Variants in MUC3A observed in about 807,000 individuals in gnomAD.
MUC3A encodes mucin-3A.
A neutral mutation model predicts 109.0 loss-of-function variants in MUC3A; 109 were observed. The observed-to-expected ratio is 1.00, with a 90% CI of 0.86 to 1.17. The LOEUF is 1.17. MUC3A is among the 50% of genes most tolerant of loss of function. The pLI is 0.00. For synonymous variants in MUC3A, 1,398 were observed against 981.4 expected (o/e 1.42, Z -7.93); for missense variants, 3,537 against 2,469.4 (o/e 1.43, Z -9.16).
At chr7:100,965,490 G>T in intron 7 of MUC3A, 143 bp downstream of exon 7, 2 of 1,446,044 alleles carry the variant, frequency 1.4e-6, no homozygotes, top group Non-Finnish European at 9.3e-7. Flanking sequence ...TCCTGGCGCT[G>T]GTTAGTGGCT....
In MUC3A at chr7:100,960,743, G is replaced by A; in HGVS notation, c.8867-9G>A. On this transcript the variant is annotated splice_polypyrimidine_tract_variant and intron_variant, in intron 2 of 11. Transcript: ENST00000379458. The stretch of plus-strand genomic sequence containing the variant: ...ATCCTGAGCTTCCCTTTCTTTCTGT[G>A]TTTTCCAGGCACCTGTGACAATGGT... 6.3e-7 allele frequency: 1 copy of A among 1,596,030 alleles called. No homozygotes were observed. The highest frequency in any genetic ancestry group is 8.5e-7 in the Non-Finnish European group (1 of 1,178,662).
At chr7:100,966,777 CT>C (rs1792586395) in intron 10 of MUC3A, 34 bp downstream of exon 10, 1 of 1,598,510 alleles carries the variant, frequency 6.3e-7, no homozygotes, top group Non-Finnish European at 8.5e-7. Flanking sequence ...CAGGCAGAGG[CT>C]TTCCTGGGCA....
In MUC3A at chr7:100,957,624, A is replaced by T; in HGVS notation, c.5845A>T (p.Lys1949Ter). The T allele has an allele frequency of 9.0e-7, 1 of 1,112,700 alleles. No individual in the cohort carries two copies. Among genetic ancestry groups the T allele is most frequent in the Non-Finnish European group, 1.1e-6 (1 of 932,104 alleles). 68.9% of individuals were successfully genotyped at this position (1,112,700 alleles called of 1,614,324 possible). A position where few individuals can be genotyped will look rare whatever the true frequency, so the allele number is the denominator to read the frequency against. ...PRFTSSITNT[K>*]TTSHSSPSFT... is the part of the protein sequence containing the mutation. ...ATTCACTTCTTCAATCACCAATACC[A>T]AGACCACCTCACACAGCTCTCCCAG... is the stretch of plus-strand genomic sequence containing the variant. Residue 1949 changes from lysine to a stop codon, truncating the protein, a stop_gained, in exon 2 of 12, where the codon AAG becomes TAG. Transcript: ENST00000379458. LOFTEE classifies it high-confidence loss of function.
At chr7:100,960,962 T>G (rs1421426743) in intron 3 of MUC3A, 25 bp downstream of exon 3, 40 of 1,598,252 alleles carry the variant, frequency 2.5e-5, no homozygotes, top group Non-Finnish European at 3.0e-5. Context: ...CTATGCCTTC[T>G]GCACTTCCTC....
At chr7:100,963,458 T>C (rs1055783933) in intron 4 of MUC3A, among the ~76,000 whole-genome samples, 192 bp downstream of exon 4, 1 of 152,312 alleles carries the variant, frequency 6.6e-6, no homozygotes, top group East Asian at 1.9e-4. Context: ...GCTAATGTTT[T>C]GTATTTTTAG....
rs867879679 is a variant in MUC3A, at chr7:100,967,045, C to G, written c.9931-76C>G. On this transcript the variant is annotated intron_variant, in intron 11 of 11. Coordinates refer to ENST00000379458, the MANE Select transcript of MUC3A (RefSeq NM_005960.2). ...CCACCAGGGCAGGGAGGGGGCTGGGCTCGGATCAGCAGTGACCTCCCTGTC... is the reference window on the plus strand; with the variant it reads ...CCACCAGGGCAGGGAGGGGGCTGGGGTCGGATCAGCAGTGACCTCCCTGTC... 9.4e-6 allele frequency: 15 copies of G among 1,598,438 alleles called. No individual in the cohort carries two copies. In the Middle Eastern group the frequency reaches 5.0e-4, roughly 53 times the overall value.
In MUC3A at chr7:100,967,276, C is replaced by T. The variant is rs147177586; in HGVS notation, c.*114C>T. The T allele has an allele frequency of 2.7e-3, 4,081 of 1,499,906 alleles. No individual in the cohort carries two copies. Among genetic ancestry groups the T allele is most frequent in the Middle Eastern group, 6.0e-3 (35 of 5,812 alleles). 92.9% of individuals were successfully genotyped at this position (1,499,906 alleles called of 1,614,324 possible). A position where few individuals can be genotyped will look rare whatever the true frequency, so the allele number is the denominator to read the frequency against. On this transcript the variant is annotated 3_prime_UTR_variant, in exon 12 of 12. Coordinates refer to ENST00000379458, the MANE Select transcript of MUC3A (RefSeq NM_005960.2). Reference sequence around the variant, plus strand: ...GCGGGCAGCCCAGGCTCCTGCTGTTCTTGGGCAAGATGAGACTGTTCCCCC... The same window carrying T: ...GCGGGCAGCCCAGGCTCCTGCTGTTTTTGGGCAAGATGAGACTGTTCCCCC...
In MUC3A at chr7:100,960,795, T is replaced by C. The variant is rs1792300357; in HGVS notation, c.8910T>C (p.Ala2970=). 1.9e-6 allele frequency: 3 copies of C among 1,598,396 alleles called. No individual in the cohort carries two copies. The highest frequency in any genetic ancestry group is 2.7e-5 in the African/African-American group (2 of 74,964). ...NGGTWEQGQC[A]CLPGFSGDRC... ...GCACCTGGGAACAGGGCCAGTGTGC[T>C]TGCCTTCCGGGGTTTTCTGGGGACC... The change falls in exon 3 of 12, where the codon GCT becomes GCC. Residue 2970 remains alanine (A), a synonymous_variant. Transcript: ENST00000379458.
At position 100,960,570 on chromosome 7, in the gene MUC3A, A is replaced by G. The variant is rs746626144; in HGVS notation, c.8791A>G (p.Thr2931Ala). 5 of 1,598,568 alleles carry G rather than the reference A, an allele frequency of 3.1e-6. No individual in the cohort carries two copies. Among genetic ancestry groups the G allele is most frequent in the Non-Finnish European group, 4.2e-6 (5 of 1,179,784 alleles). The change falls in exon 2 of 12, where the codon ACC becomes GCC. Residue 2931 changes from threonine (T) to alanine (A), a missense_variant. By Grantham distance (58) the Thr-to-Ala change is moderately conservative. Coordinates refer to ENST00000379458, the MANE Select transcript of MUC3A (RefSeq NM_005960.2). The part of the protein sequence containing the change: ...ETPVATTQTP[T>A]TLTSRRTTRI... Reference sequence around the variant, plus strand: ...ACCAGTGGCCACTACCCAGACTCCTACCACCCTTACATCACGCAGGACAAC... The same window carrying G: ...ACCAGTGGCCACTACCCAGACTCCTGCCACCCTTACATCACGCAGGACAAC...
chr7:100,966,309 G>C (rs1792553255), intron 8 of MUC3A, 77 bp from the exon 9 acceptor site: 4 of 1,157,426 alleles, frequency 3.5e-6, no homozygotes, highest in South Asian at 4.3e-5. Flanking sequence ...CCCCTCACCC[G>C]CCCCCGCGGG....
In MUC3A at chr7:100,959,100, C is replaced by T. The variant is rs536094700; in HGVS notation, c.7321C>T (p.Pro2441Ser). 1 of 1,589,250 alleles carries T rather than the reference C, an allele frequency of 6.3e-7. No individual in the cohort carries two copies. Reference sequence around the variant, plus strand: ...CACTGAGACCACCTCAGAGAGTACTCCCAGCCTCAGTTCTTCAACCATCTA... The same window carrying T: ...CACTGAGACCACCTCAGAGAGTACTTCCAGCCTCAGTTCTTCAACCATCTA... The part of the protein sequence containing the change: ...TTTETTSEST[P>S]SLSSSTIYST... Residue 2441 changes from proline (P) to serine (S), a missense_variant, in exon 2 of 12, where the codon CCC becomes TCC. By Grantham distance (74) the Pro-to-Ser change is moderately conservative. Transcript: ENST00000379458.
In MUC3A at chr7:100,964,713, G is replaced by A. The variant is rs1414246498; in HGVS notation, c.9252G>A (p.Val3084=). ...ILSLRNGSIV[V]DYLVLLEMPF... ...CCCTCAGGAATGGCAGCATCGTGGT[G>A]GACTACCTGGTCCTGCTGGAGATGC... Residue 3084 remains valine, a synonymous_variant, in exon 6 of 12, where the codon GTG becomes GTA. Coordinates refer to ENST00000379458, the MANE Select transcript of MUC3A (RefSeq NM_005960.2). 4 of 1,598,374 alleles carry A rather than the reference G, an allele frequency of 2.5e-6. No homozygotes were observed. Among genetic ancestry groups the A allele is most frequent in the African/African-American group, 1.3e-5 (1 of 75,086 alleles).
chr7:100,949,907 A>G (rs201633317), intron 1 of MUC3A, among the ~76,000 whole-genome samples: 12 of 178 alleles, frequency 0.067, no homozygotes, highest in East Asian at 0.17. Context: ...AGGTTGGGAA[A>G]GAGTGAGGGA....
chr7:100,964,155 G>A (rs1792441994), intron 5 of MUC3A: 1 of 330,766 alleles, frequency 3.0e-6, no homozygotes, highest in Non-Finnish European at 5.6e-6. Context: ...GAGAACGTCA[G>A]GCCAGATGTG....
rs1563068678 is a variant in MUC3A at position 100,959,454 on chromosome 7, G to C, written c.7675G>C (p.Glu2559Gln). The part of the protein sequence containing the change: ...STVRMTLRIT[E>Q]NTPISSFSTS... ...TGTGAGAATGACCCTCAGAATTACT[G>C]AGAACACCCCAATCAGTTCCTTTAG... Residue 2559 changes from glutamate (E) to glutamine (Q), a missense_variant, in exon 2 of 12, where the codon GAG becomes CAG. Coordinates refer to ENST00000379458, the MANE Select transcript of MUC3A (RefSeq NM_005960.2). 2 of 1,562,632 alleles carry C rather than the reference G, an allele frequency of 1.3e-6. No individual in the cohort carries two copies. The highest frequency in any genetic ancestry group is 4.5e-5 in the East Asian group (2 of 44,766).
rs2116183171 is a variant in MUC3A, at chr7:100,957,934, C to T, written c.6155C>T (p.Thr2052Ile). Reference protein sequence around the residue: ...SFTSSITTETTSHSTPSFTSL... With the variant: ...SFTSSITTETISHSTPSFTSL... ...ACTTCTTCGATCACCACCGAGACCACATCCCACAGTACTCCCAGCTTCACT... is the reference window on the plus strand; with the variant it reads ...ACTTCTTCGATCACCACCGAGACCATATCCCACAGTACTCCCAGCTTCACT... The change falls in exon 2 of 12, where the codon ACA (threonine) becomes ATA (isoleucine). Residue 2052 changes from threonine to isoleucine, a missense_variant. By Grantham distance (89) the Thr-to-Ile change is moderately conservative. Transcript: ENST00000379458. 3.8e-6 allele frequency: 3 copies of T among 783,444 alleles called. No homozygotes were observed. The highest frequency in any genetic ancestry group is 1.7e-5 in the African/African-American group (1 of 58,412). 48.5% of individuals were successfully genotyped at this position (783,444 alleles called of 1,614,324 possible).
intron 4 of MUC3A, 68 bp downstream of exon 4, chr7:100,963,334 G>A (rs1175202480): frequency 9.1e-6 from 11 of 1,205,418 alleles, no homozygotes; most frequent in East Asian, 2.6e-5. Flanking sequence ...CACCCTGGCT[G>A]GAGTGCAATG....
intron 4 of MUC3A, 23 bp downstream of exon 4, chr7:100,963,289 T>A: frequency 2.4e-6 from 1 of 424,298 alleles, no homozygotes; most frequent in Non-Finnish European, 2.9e-6. Flanking sequence ...GAGAGGGGAT[T>A]TTTTTTTTTT....
intron 6 of MUC3A, 122 bp downstream of exon 6, chr7:100,964,965 G>A: frequency 7.0e-7 from 1 of 1,424,844 alleles, no homozygotes; most frequent in East Asian, 2.5e-5. Context: ...GTTGGGAGAA[G>A]GGGAATAAGT....
Sources: allele counts gnomAD v4.1 joint callset (sites outside exome capture counted in the v4.1 genomes callset), GRCh38; gene constraint gnomAD v4.1.1; transcripts MANE v1.5; gene names NCBI Gene and HGNC (gene_info 2026-07-23, HGNC 2026-07-21).